The following GAN variants were observed in gnomAD, a reference collection of about 807,000 sequenced individuals.
The protein encoded by GAN is epididymis secretory sperm binding protein.
In GAN, 48 loss-of-function variants were observed where a neutral mutation model predicts 71.3. The observed-to-expected ratio is 0.67, with a 90% CI of 0.53 to 0.86. GAN has a LOEUF of 0.86. Among genes scored for constraint, GAN ranks in the 40% least tolerant of loss-of-function variants. The pLI is 0.00. For missense variants in GAN, 928 were observed against 770.1 expected (o/e 1.21, Z -2.43); for synonymous variants, 386 against 276.8 (o/e 1.39, Z -3.92).
intron 7 of GAN, 21 bp from the exon 8 acceptor site, chr16:81,364,953 A>C (rs1214221235): frequency 1.2e-6 from 2 of 1,613,170 alleles, no homozygotes; most frequent in African/African-American, 2.7e-5. Context: ...CCTCTCCCCC[A>C]CCATTGTTCT....
intron 5 of GAN, among the ~76,000 whole-genome samples, chr16:81,359,224 T>C (rs555810945): frequency 1.3e-5 from 2 of 152,252 alleles, no homozygotes; most frequent in East Asian, 1.9e-4. Context: ...TATACACATA[T>C]TCCTAATTTT....
chr16:81,333,986 C>G (rs142112446), intron 1 of GAN, among the ~76,000 whole-genome samples: 1 of 152,202 alleles, frequency 6.6e-6, no homozygotes, highest in East Asian at 1.9e-4. Context: ...ACTGCCTTCC[C>G]GTTTCATTTG....
intron 7 of GAN, 142 bp from the exon 8 acceptor site, chr16:81,364,832 A>G (rs1194455381): frequency 1.2e-6 from 1 of 818,494 alleles, no homozygotes; most frequent in Non-Finnish European, 2.1e-6. Flanking sequence ...GTGTTGTAAT[A>G]CTGAAAAGCA....
intron 1 of GAN, among the ~76,000 whole-genome samples, chr16:81,334,303 C>T (rs1389465217): frequency 6.6e-6 from 1 of 152,156 alleles, no homozygotes; most frequent in Non-Finnish European, 1.5e-5. Flanking sequence ...TGGCTGTGGC[C>T]TCCTGGGAGT....
intron 6 of GAN, 83 bp from the exon 7 acceptor site, chr16:81,363,711 C>G: frequency 1.4e-6 from 2 of 1,410,206 alleles, no homozygotes; most frequent in South Asian, 1.2e-5. Flanking sequence ...TTATGTTTCT[C>G]TAATTTTTAT....
intron 9 of GAN, among the ~76,000 whole-genome samples, chr16:81,373,829 G>C (rs771580612): frequency 2.0e-4 from 30 of 152,118 alleles, no homozygotes; most frequent in Non-Finnish European, 4.4e-4. Context: ...TGCAACCTCC[G>C]CCTCCTGGGT....
chr16:81,349,655 T>C (rs947165503), intron 1 of GAN, among the ~76,000 whole-genome samples: 3 of 152,010 alleles, frequency 2.0e-5, no homozygotes, highest in Non-Finnish European at 4.4e-5. Context: ...AAAACAAAAA[T>C]AAAAGAAATT....
rs1597405785 is a variant in GAN, at chr16:81,362,612, G to C, written c.1086+1G>C. The stretch of plus-strand genomic sequence containing the variant: ...GACAGCATTGCCACCTATGAACGAG[G>C]TAAAACACTAGTTGGTTGGTTTGTT... On this transcript the variant is annotated splice_donor_variant, in intron 6 of 10. Transcript: ENST00000648994. LOFTEE classifies it high-confidence loss of function. The C allele has an allele frequency of 7.2e-7, 1 of 1,391,728 alleles. No homozygotes were observed. Among genetic ancestry groups the C allele is most frequent in the Non-Finnish European group, 1.0e-6 (1 of 976,634 alleles). 86.2% of individuals were successfully genotyped at this position (1,391,728 alleles called of 1,614,324 possible).
chr16:81,343,647 C>G (rs969454392), intron 1 of GAN, among the ~76,000 whole-genome samples: 2 of 152,108 alleles, frequency 1.3e-5, no homozygotes, highest in African/African-American at 2.4e-5. Context: ...TACGACAAAC[C>G]CAGAGCCAAT....
intron 5 of GAN, among the ~76,000 whole-genome samples, chr16:81,359,481 G>T (rs1007997674): frequency 6.7e-6 from 1 of 148,232 alleles, no homozygotes; most frequent in East Asian, 1.9e-4. Flanking sequence ...TTCTCTACCA[G>T]TTTGGGACTT....
intron 1 of GAN, among the ~76,000 whole-genome samples, chr16:81,327,156 A>G (rs1356369596): frequency 6.6e-6 from 1 of 152,228 alleles, no homozygotes; most frequent in Non-Finnish European, 1.5e-5. Context: ...CGAATTCTTT[A>G]TTCAGAAAGA....
intron 1 of GAN, among the ~76,000 whole-genome samples, chr16:81,335,200 C>CT (rs1382525036): frequency 6.6e-6 from 1 of 151,418 alleles, no homozygotes; most frequent in African/African-American, 2.4e-5. Context: ...AAGCTGGGAA[C>CT]TTTTTTAATA....
chr16:81,314,983 G>A lies in GAN; in HGVS notation c.-131G>A, dbSNP rs536767911. The A allele has an allele frequency of 1.3e-6, 1 of 743,462 alleles. No individual in the cohort carries two copies. Among genetic ancestry groups the A allele is most frequent in the African/African-American group, 1.9e-5 (1 of 53,946 alleles). The allele number at this position is 743,462 out of a possible 1,614,324, so 46.1% of individuals were successfully genotyped here. On this transcript the variant is annotated 5_prime_UTR_variant, in exon 1 of 11. Coordinates refer to ENST00000648994, the MANE Select transcript of GAN (RefSeq NM_022041.4). Reference sequence around the variant, plus strand: ...CCGCGGATAGCACAGGCACGTCCCGGGGGCTCCAGCTTCTGCTCAGAGCGC... The same window carrying A: ...CCGCGGATAGCACAGGCACGTCCCGAGGGCTCCAGCTTCTGCTCAGAGCGC...
At chr16:81,366,414 A>G (rs145178908) in intron 9 of GAN, among the ~76,000 whole-genome samples, 163 of 152,270 alleles carry the variant, frequency 1.1e-3, no homozygotes, top group African/African-American at 3.7e-3. Flanking sequence ...TTCCTCACAC[A>G]TTTTATTGTT....
intron 1 of GAN, among the ~76,000 whole-genome samples, chr16:81,323,527 C>G (rs978873364): frequency 2.0e-5 from 3 of 152,128 alleles, no homozygotes; most frequent in Non-Finnish European, 4.4e-5. Context: ...GTTGTGTTTA[C>G]CAATAATAGA....
intron 1 of GAN, among the ~76,000 whole-genome samples, chr16:81,333,073 A>C (rs541433814): frequency 1.3e-5 from 2 of 152,170 alleles, no homozygotes; most frequent in East Asian, 3.9e-4. Context: ...CCCCATCTCT[A>C]CCAAAAATAC....
At chr16:81,354,241 GAAAA>G (rs5818329) in intron 2 of GAN, among the ~76,000 whole-genome samples, 160 bp from the exon 3 acceptor site, 1 of 144,844 alleles carries the variant, frequency 6.9e-6, no homozygotes, top group South Asian at 2.2e-4. Flanking sequence ...CCAACTCTTG[GAAAA>G]AAAAAAAAAA....
At chr16:81,322,807 T>C (rs984448375) in intron 1 of GAN, among the ~76,000 whole-genome samples, 3 of 152,194 alleles carry the variant, frequency 2.0e-5, no homozygotes, top group Non-Finnish European at 2.9e-5. Context: ...ATTTGCACTT[T>C]TGTCACTTAA....
At position 81,378,945 on chromosome 16, in the gene GAN, T is replaced by G. The variant is rs1904291991; in HGVS notation, c.*1349T>G. The G allele has an allele frequency of 6.6e-6, 1 of 152,410 alleles. No individual in the cohort carries two copies. The highest frequency in any genetic ancestry group is 2.1e-4 in the South Asian group (1 of 4,834). 9.4% of individuals were successfully genotyped at this position (152,410 alleles called of 1,614,324 possible). On this transcript the variant is annotated 3_prime_UTR_variant, in exon 11 of 11. Transcript: ENST00000648994. ...TAGTGTGAAATCGGGGACTTCAAAG[T>G]GCTTGATTCCTTCCTAAATTGAATT...
Sources: gnomAD v4.1 joint callset for allele counts (sites outside exome capture counted in the v4.1 genomes callset) on GRCh38, gnomAD v4.1.1 for gene constraint, MANE v1.5 for transcripts, NCBI Gene and HGNC (gene_info 2026-07-23, HGNC 2026-07-21) for gene names.